ADAMTSL3: variants seen among roughly 807,000 people sequenced by gnomAD.
The protein encoded by ADAMTSL3 is ADAMTS like 3, also known as ADAMTS-like protein 3.
A neutral mutation model predicts 201.7 loss-of-function variants in ADAMTSL3; 128 were observed. The ratio of observed to expected loss-of-function variants is 0.63; its 90% CI spans 0.55 to 0.73. The LOEUF is 0.73. Ranked by LOEUF, ADAMTSL3 falls within the 30% of genes least tolerant of loss-of-function variation. The pLI, the probability that ADAMTSL3 is intolerant of heterozygous loss-of-function variation, is 0.00. For missense variants in ADAMTSL3, 1,990 were observed against 2,119.6 expected, an observed-to-expected ratio of 0.94 and a Z score of 1.20; for synonymous variants, 738 against 748.4, an observed-to-expected ratio of 0.99 and a Z score of 0.23.
chr15:83,729,769 CTTTG>C (rs1238265185), intron 3 of ADAMTSL3, among the ~76,000 whole-genome samples: 1 of 151,950 alleles, frequency 6.6e-6, no homozygotes, highest in Non-Finnish European at 1.5e-5. Flanking sequence ...GCCTTATATA[CTTTG>C]TTTGGTAAGG....
chr15:83,698,619 G>A (rs1293680820), intron 2 of ADAMTSL3, among the ~76,000 whole-genome samples: 3 of 128,388 alleles, frequency 2.3e-5, no homozygotes, highest in Non-Finnish European at 5.1e-5. Flanking sequence ...TCCTGTGAGG[G>A]CCACATGCCA....
rs538331890 is a variant in ADAMTSL3, at chr15:83,892,620, C to T, written c.1263-64C>T. ...TACCTTAAGGCCATACTTTTTGCCA[C>T]CATCTTTGCAAACTTCAAACAAACA... On this transcript the variant is annotated intron_variant, in intron 12 of 29. Transcript: ENST00000286744. 190 of 1,512,734 alleles carry T rather than the reference C, an allele frequency of 1.3e-4. 1 individual carries two copies. The Middle Eastern group carries it at 1.9e-3, about 15-fold the overall frequency. 93.7% of individuals were successfully genotyped at this position (1,512,734 alleles called of 1,614,324 possible). A position where few individuals can be genotyped will look rare whatever the true frequency, so the allele number is the denominator to read the frequency against.
intron 2 of ADAMTSL3, among the ~76,000 whole-genome samples, chr15:83,679,792 G>A (rs1160544988): frequency 2.0e-5 from 3 of 152,266 alleles, no homozygotes; most frequent in South Asian, 2.1e-4. Context: ...GAGGAGCACC[G>A]CCTGCCACCA....
rs573235960 is a variant in ADAMTSL3, at chr15:83,943,231, C to T, written c.2490+149C>T. The T allele has an allele frequency of 4.0e-5, 36 of 889,432 alleles. No homozygotes were observed. In the East Asian group the frequency reaches 4.4e-4, roughly 11 times the overall value. The allele number at this position is 889,432 out of a possible 1,614,324, so 55.1% of individuals were successfully genotyped here. A position where few individuals can be genotyped will look rare whatever the true frequency, so the allele number is the denominator to read the frequency against. ...ATTTAAGGAGGTGCTCACTCACTCT[C>T]GGGTTTGTGCAAGTTCCGTAGTCCA... is the stretch of plus-strand genomic sequence containing the variant. On this transcript the variant is annotated intron_variant, in intron 19 of 29. Coordinates refer to ENST00000286744, the MANE Select transcript of ADAMTSL3 (RefSeq NM_207517.3).
rs1039348393 is a variant in ADAMTSL3 at position 83,864,564 on chromosome 15, CG to C, written c.802+5725del. ...AAAAGCCTTTGACAAAATTCAACAA[CG>C]CTTCATGCTAAAAACTCTCAATAAA... On this transcript the variant is annotated intron_variant, in intron 8 of 29. Transcript: ENST00000286744. 2.8e-3 allele frequency among the ~76,000 whole-genome samples: 432 copies of C among 152,112 alleles called. 1 individual carries two copies. Among genetic ancestry groups the C allele is most frequent in the African/African-American group, 9.5e-3 (395 of 41,466 alleles).
At position 83,923,807 on chromosome 15, in the gene ADAMTSL3, A is replaced by G. The variant is rs1244558340; in HGVS notation, c.1988-97A>G. 5 of 1,406,842 alleles carry G rather than the reference A, an allele frequency of 3.6e-6. No homozygotes were observed. In the African/African-American group the frequency reaches 7.1e-5, roughly 20 times the overall value. The allele number at this position is 1,406,842 out of a possible 1,614,324, so 87.1% of individuals were successfully genotyped here. On this transcript the variant is annotated intron_variant, in intron 16 of 29. Transcript: ENST00000286744. ...GCAGCCCTATGATAGTCAAAAGGGCAGTATGCTAAGAATGAGAAGACCTAA... is the reference window on the plus strand; with the variant it reads ...GCAGCCCTATGATAGTCAAAAGGGCGGTATGCTAAGAATGAGAAGACCTAA...
chr15:83,769,585 T>G (rs903212215), intron 3 of ADAMTSL3, among the ~76,000 whole-genome samples: 6 of 152,168 alleles, frequency 3.9e-5, no homozygotes, highest in African/African-American at 1.4e-4. Context: ...TTCCTTTCAC[T>G]TGACTGTTAC....
At chr15:83,863,100 G>A (rs1297698811) in intron 8 of ADAMTSL3, among the ~76,000 whole-genome samples, 1 of 152,092 alleles carries the variant, frequency 6.6e-6, no homozygotes, top group Non-Finnish European at 1.5e-5. Context: ...CCCAATACAG[G>A]AACACCCAGA....
chr15:83,728,077 T>C (rs991677585), intron 3 of ADAMTSL3, among the ~76,000 whole-genome samples: 4 of 152,072 alleles, frequency 2.6e-5, no homozygotes, highest in African/African-American at 9.7e-5. Flanking sequence ...TTATAATTGT[T>C]ATATCCTCTT....
Position 83,714,681 on chromosome 15 carries a change from C to A in ADAMTSL3, c.189+10173C>A, listed in dbSNP as rs374428380. ...TCTCCCTTCCTCCCTCCCTCCCTCC[C>A]TCCCTTCCTCCCTTCCTTCCTTCCC... On this transcript the variant is annotated intron_variant, in intron 3 of 29. Coordinates refer to ENST00000286744, the MANE Select transcript of ADAMTSL3 (RefSeq NM_207517.3). Among the ~76,000 whole-genome samples the A allele has an allele frequency of 4.7e-5, 7 of 149,948 alleles. 1 individual carries two copies. The East Asian group carries it at 7.8e-4, about 17-fold the overall frequency.
chr15:83,892,619 A>G (rs868162921), intron 12 of ADAMTSL3, 65 bp from the exon 13 acceptor site: 12 of 1,513,578 alleles, frequency 7.9e-6, no homozygotes, highest in Middle Eastern at 1.9e-4. Context: ...ACTTTTTGCC[A>G]CCATCTTTGC....
intron 20 of ADAMTSL3, among the ~76,000 whole-genome samples, chr15:83,970,947 A>G (rs1186771926): frequency 6.6e-6 from 1 of 152,228 alleles, no homozygotes; most frequent in East Asian, 1.9e-4. Context: ...TGTAGAAGTT[A>G]AGCCAAAATA....
In ADAMTSL3 at chr15:83,679,072, G is replaced by T. The variant is rs112929559; in HGVS notation, c.69+23242G>T. ...TATTAAGTAATTTCTCTTGATTTTT[G>T]TTGAAGTATACTGATCTGTCATCTC... is the stretch of plus-strand genomic sequence containing the variant. On this transcript the variant is annotated intron_variant, in intron 2 of 29. Coordinates refer to ENST00000286744, the MANE Select transcript of ADAMTSL3 (RefSeq NM_207517.3). Among the ~76,000 whole-genome samples the T allele has an allele frequency of 7.1e-4, 108 of 151,272 alleles. No individual in the cohort carries two copies. The Middle Eastern group carries it at 0.014, about 19-fold the overall frequency.
intron 15 of ADAMTSL3, among the ~76,000 whole-genome samples, chr15:83,902,867 A>C: frequency 6.6e-6 from 1 of 152,074 alleles, no homozygotes; most frequent in East Asian, 1.9e-4. Flanking sequence ...CTTTTTAATC[A>C]TAGGAAATTG....
chr15:83,727,149 A>AT (rs71156094), intron 3 of ADAMTSL3, among the ~76,000 whole-genome samples: 51,691 of 149,840 alleles, frequency 0.34, 8,957 homozygotes, highest in Middle Eastern at 0.48. Flanking sequence ...GAATTTATCC[A>AT]TTTTTTTTTC....
chr15:83,997,306 G>A (rs578216794), intron 23 of ADAMTSL3, among the ~76,000 whole-genome samples: 14 of 152,274 alleles, frequency 9.2e-5, no homozygotes, highest in East Asian at 5.8e-4. Context: ...GGTCTGAAGC[G>A]GCTGGGCACA....
At chr15:83,821,560 T>C (rs1396584158) in intron 6 of ADAMTSL3, among the ~76,000 whole-genome samples, 2 of 150,280 alleles carry the variant, frequency 1.3e-5, no homozygotes, top group African/African-American at 2.5e-5. Flanking sequence ...GGGTTGGGGG[T>C]AAGGTCACAG....
intron 2 of ADAMTSL3, among the ~76,000 whole-genome samples, chr15:83,683,051 A>C (rs190520961): frequency 1.8e-4 from 27 of 152,266 alleles, no homozygotes; most frequent in Non-Finnish European, 2.2e-4. Context: ...AAATATTTGG[A>C]CTTTGGCCAC....
intron 4 of ADAMTSL3, among the ~76,000 whole-genome samples, chr15:83,792,099 A>G (rs1458022024): frequency 6.6e-6 from 1 of 152,176 alleles, no homozygotes; most frequent in East Asian, 1.9e-4. Flanking sequence ...AGAATGGGAG[A>G]AAGTATTTGC....
Sources: gnomAD v4.1 joint callset for allele counts (sites outside exome capture counted in the v4.1 genomes callset) on GRCh38, gnomAD v4.1.1 for gene constraint, MANE v1.5 for transcripts, NCBI Gene and HGNC (gene_info 2026-07-23, HGNC 2026-07-21) for gene names.